The following GRM8 variants were observed in gnomAD, a reference collection of about 807,000 sequenced individuals.
GRM8 encodes glutamate metabotropic receptor 8.
A neutral mutation model predicts 87.2 loss-of-function variants in GRM8; 47 were observed. That is an observed-to-expected ratio of 0.54 (90% CI 0.43 to 0.69). GRM8 has a LOEUF of 0.69. Ranked by LOEUF, GRM8 falls within the 30% of genes least tolerant of loss-of-function variation. GRM8 has a pLI of 0.00. For missense variants in GRM8, 1,019 were observed against 1,139.2 expected, an observed-to-expected ratio of 0.89 and a Z score of 1.52; for synonymous variants, 396 against 404.5, an observed-to-expected ratio of 0.98 and a Z score of 0.25.
At chr7:127,137,076 C>T (rs947796624) in intron 2 of GRM8, among the ~76,000 whole-genome samples, 7 of 152,094 alleles carry the variant, frequency 4.6e-5, no homozygotes, top group Admixed American at 3.9e-4. Flanking sequence ...AAGTTCAAAT[C>T]TGAATTCTGT....
At chr7:127,241,074 C>A (rs1798264029) in intron 2 of GRM8, among the ~76,000 whole-genome samples, 1 of 152,210 alleles carries the variant, frequency 6.6e-6, no homozygotes, top group Non-Finnish European at 1.5e-5. Flanking sequence ...CTCTTCAGTA[C>A]TCCTTAGACG....
chr7:126,982,919 C>G lies in GRM8; in HGVS notation c.728-78236G>C, dbSNP rs150487832. On this transcript the variant is annotated intron_variant, in intron 3 of 10. Transcript: ENST00000339582. ...TTGGGCTGCTGTAGTTTCCCATTGACCTTAATCACAGGGCATGGTAATACT... is the reference window on the plus strand; with the variant it reads ...TTGGGCTGCTGTAGTTTCCCATTGAGCTTAATCACAGGGCATGGTAATACT... 1.4e-4 allele frequency among the ~76,000 whole-genome samples: 22 copies of G among 152,268 alleles called. No individual in the cohort carries two copies. The East Asian group carries it at 3.5e-3, about 24-fold the overall frequency.
intron 8 of GRM8, among the ~76,000 whole-genome samples, chr7:126,571,526 A>C (rs1794688460): frequency 6.6e-6 from 1 of 152,160 alleles, no homozygotes. Flanking sequence ...GAAAATGAAC[A>C]AAATTCTGGG....
chr7:126,714,932 T>C (rs1157473963), intron 7 of GRM8, among the ~76,000 whole-genome samples: 4 of 152,172 alleles, frequency 2.6e-5, no homozygotes, highest in African/African-American at 7.2e-5. Flanking sequence ...AGAACTGTAT[T>C]GTATTTATCG....
intron 7 of GRM8, among the ~76,000 whole-genome samples, chr7:126,740,543 A>G (rs1331250905): frequency 6.6e-6 from 1 of 152,276 alleles, no homozygotes. Flanking sequence ...ATCTGTGCTG[A>G]TAACTGAAAC....
At chr7:127,083,708 C>A (rs1337598486) in intron 3 of GRM8, among the ~76,000 whole-genome samples, 1 of 152,010 alleles carries the variant, frequency 6.6e-6, no homozygotes, top group Non-Finnish European at 1.5e-5. Context: ...TGGTTCTAAA[C>A]TTTTGCAAAT....
intron 7 of GRM8, among the ~76,000 whole-genome samples, chr7:126,747,074 T>C (rs575546704): frequency 2.0e-5 from 3 of 152,000 alleles, no homozygotes; most frequent in East Asian, 3.9e-4. Flanking sequence ...AAATGTATCA[T>C]TGGTGCCCTC....
At chr7:127,048,949 C>T (rs370872267) in intron 3 of GRM8, among the ~76,000 whole-genome samples, 6 of 152,226 alleles carry the variant, frequency 3.9e-5, no homozygotes, top group Non-Finnish European at 4.4e-5. Context: ...TAAGTTTTCA[C>T]GTATTAGATT....
At chr7:127,141,270 C>T (rs565563014) in intron 2 of GRM8, among the ~76,000 whole-genome samples, 2 of 151,626 alleles carry the variant, frequency 1.3e-5, no homozygotes, top group African/African-American at 2.4e-5. Context: ...TGAGGGGTTT[C>T]CAGGTCCAGA....
intron 2 of GRM8, among the ~76,000 whole-genome samples, chr7:127,167,777 C>T (rs1793542359): frequency 1.3e-5 from 2 of 152,028 alleles, no homozygotes; most frequent in Admixed American, 6.6e-5. Context: ...CCTTCCTATT[C>T]CCTCAGACAC....
intron 8 of GRM8, among the ~76,000 whole-genome samples, chr7:126,592,321 CA>C (rs1015735680): frequency 8.0e-5 from 12 of 149,758 alleles, no homozygotes; most frequent in Admixed American, 2.7e-4. Flanking sequence ...AAAAACACTA[CA>C]AAAAAAAAGA....
chr7:126,838,826 A>C (rs535968081), intron 6 of GRM8, among the ~76,000 whole-genome samples: 2 of 152,144 alleles, frequency 1.3e-5, no homozygotes, highest in Admixed American at 6.6e-5. Flanking sequence ...CTAGACCACA[A>C]AACCTAAAAG....
At chr7:127,080,661 G>T (rs1158815621) in intron 3 of GRM8, 1 of 151,972 alleles carries the variant, frequency 6.6e-6, no homozygotes, top group East Asian at 1.9e-4. Flanking sequence ...AAAAAAAAAT[G>T]GAGAGATTCA....
At chr7:127,103,534 C>A (rs1439047012) in intron 3 of GRM8, among the ~76,000 whole-genome samples, 3 of 152,316 alleles carry the variant, frequency 2.0e-5, no homozygotes, top group East Asian at 1.9e-4. Flanking sequence ...AAATAAACCT[C>A]TTTTCTCATA....
At chr7:126,959,694 G>A (rs897190556) in intron 3 of GRM8, among the ~76,000 whole-genome samples, 2 of 151,994 alleles carry the variant, frequency 1.3e-5, no homozygotes, top group African/African-American at 4.8e-5. Flanking sequence ...TCCTTTAAAG[G>A]ACCCTAAATT....
At chr7:126,643,290 CAAAAAAAAAAAAAAA>C (rs1157527693) in intron 7 of GRM8, among the ~76,000 whole-genome samples, 62 of 20,060 alleles carry the variant, frequency 3.1e-3, no homozygotes, top group East Asian at 6.1e-3. Context: ...GAACTTGTCT[CAAAAAAAAAAAAAAA>C]AAAAAAAAAA....
At chr7:126,916,587 A>C (rs1418494500) in intron 3 of GRM8, among the ~76,000 whole-genome samples, 3 of 152,248 alleles carry the variant, frequency 2.0e-5, no homozygotes, top group Admixed American at 2.0e-4. Flanking sequence ...CTCAGCACCA[A>C]GTAATATCTG....
At chr7:127,001,214 T>C (rs1323913623) in intron 3 of GRM8, among the ~76,000 whole-genome samples, 1 of 151,658 alleles carries the variant, frequency 6.6e-6, no homozygotes, top group Non-Finnish European at 1.5e-5. Context: ...TGCATATGAA[T>C]ACATAAACTC....
At chr7:126,502,013 G>A (rs1344004490) in intron 9 of GRM8, among the ~76,000 whole-genome samples, 1 of 151,992 alleles carries the variant, frequency 6.6e-6, no homozygotes, top group African/African-American at 2.4e-5. Context: ...CAGCAGCAAG[G>A]TTGGATTGAT....
Sources: allele counts gnomAD v4.1 joint callset (sites outside exome capture counted in the v4.1 genomes callset), GRCh38; gene constraint gnomAD v4.1.1; transcripts MANE v1.5; gene names NCBI Gene and HGNC (gene_info 2026-07-23, HGNC 2026-07-21).